Variants in PSMC3 observed in about 807,000 individuals in gnomAD.
The protein encoded by PSMC3 is 26S proteasome regulatory subunit 6A.
Under a neutral mutation model 52.0 loss-of-function variants are expected in PSMC3, and 11 were observed. The observed-to-expected ratio is 0.21, with a 90% CI of 0.13 to 0.35. PSMC3 has a LOEUF of 0.35. PSMC3 is among the 10% of genes least tolerant of loss of function. PSMC3 has a pLI of 1.00. For synonymous variants in PSMC3, 201 were observed against 218.8 expected (o/e 0.92, Z 0.72); for missense variants, 238 against 567.1 (o/e 0.42, Z 5.89).
At position 47,419,108 on chromosome 11, in the gene PSMC3, C is replaced by A; in HGVS notation, c.1209+8G>T. 6.2e-7 allele frequency: 1 copy of A among 1,614,146 alleles called. No homozygotes were observed. The highest frequency in any genetic ancestry group is 8.5e-7 in the Non-Finnish European group (1 of 1,180,004). On this transcript the variant is annotated splice_region_variant and intron_variant, in intron 11 of 11. Coordinates refer to ENST00000298852, the MANE Select transcript of PSMC3 (RefSeq NM_002804.5). ...AAAGCAACGCACCCACCCCAGCTGA[C>A]CACTCACCGCCTCCACACACACAGC...
In PSMC3 at chr11:47,424,358, G is replaced by A; in HGVS notation, c.453+71C>T. The A allele has an allele frequency of 1.3e-6, 2 of 1,576,374 alleles. No homozygotes were observed. Among genetic ancestry groups the A allele is most frequent in the Non-Finnish European group, 1.7e-6 (2 of 1,146,514 alleles). ...GTTCTGCCAAGATTCAGAGCCAACA[G>A]TGACCTGGGGCGGGTACAGGGGCTC... On this transcript the variant is annotated intron_variant, in intron 5 of 11. Transcript: ENST00000298852. This position sits in a 1 kb window ranked among gnomAD's most constrained non-coding sequence, Gnocchi z 4.8.
intron 10 of PSMC3, among the ~76,000 whole-genome samples, chr11:47,419,687 G>T (rs1473525042): frequency 6.6e-6 from 1 of 152,036 alleles, no homozygotes; most frequent in Non-Finnish European, 1.5e-5. Flanking sequence ...GTGAAACCTC[G>T]TCTCTACTAA....
At chr11:47,419,268 C>T in intron 10 of PSMC3, 71 bp from the exon 11 acceptor site, 1 of 1,517,838 alleles carries the variant, frequency 6.6e-7, no homozygotes, top group East Asian at 2.3e-5. Flanking sequence ...ATATCCTCCC[C>T]TGGCCCCGTC....
chr11:47,422,540 C>T lies in PSMC3; in HGVS notation c.884+34G>A. 6.2e-7 allele frequency: 1 copy of T among 1,611,264 alleles called. No homozygotes were observed. On this transcript the variant is annotated intron_variant, in intron 8 of 11. Coordinates refer to ENST00000298852, the MANE Select transcript of PSMC3 (RefSeq NM_002804.5). This position sits in a 1 kb window ranked among gnomAD's most constrained non-coding sequence, Gnocchi z 4.3. ...GTCAACCCGCTTCCCCTTACCGCCA[C>T]AGAGATCGCTAGGGACCCTTGGCCC...
chr11:47,424,653 G>A lies in PSMC3; in HGVS notation c.344C>T (p.Ser115Phe). Residue 115 changes from serine (S) to phenylalanine (F), a missense_variant, in exon 4 of 12, where the codon TCC (serine) becomes TTC (phenylalanine). By Grantham distance (155) the Ser-to-Phe change is radical. Transcript: ENST00000298852. The surrounding 1 kb of genome is among the most constrained non-coding windows in gnomAD (Gnocchi z 4.8). ...EEDGANIDLD[S>F]QRKGKCAVIK... ...CACAGCACACTTGCCCTTCCTCTGG[G>A]AGTCCAGGTCAATATTGGCACCATC... 1 of 1,614,024 alleles carries A rather than the reference G, an allele frequency of 6.2e-7. No homozygotes were observed. Among genetic ancestry groups the A allele is most frequent in the Non-Finnish European group, 8.5e-7 (1 of 1,179,956 alleles).
In PSMC3 at chr11:47,424,530, T is replaced by C. The variant is rs2096044213; in HGVS notation, c.391-39A>G. 1 of 1,610,566 alleles carries C rather than the reference T, an allele frequency of 6.2e-7. No individual in the cohort carries two copies. The highest frequency in any genetic ancestry group is 8.5e-7 in the Non-Finnish European group (1 of 1,176,884). On this transcript the variant is annotated intron_variant, in intron 4 of 11. Transcript: ENST00000298852. This position sits in a 1 kb window ranked among gnomAD's most constrained non-coding sequence, Gnocchi z 4.8. ...ACAGGGGCAGTCTCAGTTAGTGTCCTCAGGGAAGGCTCCCTAGTCCTGTCC... is the reference window on the plus strand; with the variant it reads ...ACAGGGGCAGTCTCAGTTAGTGTCCCCAGGGAAGGCTCCCTAGTCCTGTCC...
intron 1 of PSMC3, 54 bp downstream of exon 1, chr11:47,426,151 T>C (rs1291578985): frequency 5.3e-6 from 8 of 1,521,912 alleles, no homozygotes; most frequent in Non-Finnish European, 6.2e-6. Context: ...CTCTTGTCAA[T>C]GGCGTCTCCC....
intron 10 of PSMC3, among the ~76,000 whole-genome samples, chr11:47,419,784 A>G (rs7120413): frequency 0.26 from 39,886 of 151,634 alleles, 6,156 homozygotes; most frequent in Admixed American, 0.37. Flanking sequence ...GCGTGAACCC[A>G]GGAGGCGGAG....
chr11:47,419,719 C>G (rs7120501), intron 10 of PSMC3, among the ~76,000 whole-genome samples: 5 of 151,700 alleles, frequency 3.3e-5, no homozygotes, highest in African/African-American at 9.7e-5. Context: ...ATTAGCCGGG[C>G]GTGGTGGCGG....
chr11:47,420,835 G>A (rs2096039630), intron 8 of PSMC3, 108 bp from the exon 9 acceptor site: 3 of 999,968 alleles, frequency 3.0e-6, no homozygotes, highest in Admixed American at 2.5e-5. Context: ...CAGGGAAATG[G>A]CTCACTCAAC....
rs572205503 is a variant in PSMC3, at chr11:47,421,524, A to C, written c.885-797T>G. On this transcript the variant is annotated intron_variant, in intron 8 of 11. Coordinates refer to ENST00000298852, the MANE Select transcript of PSMC3 (RefSeq NM_002804.5). ...CCTGAAACGCAGGAAGCACCGTGGC[A>C]GGAGTCCAGAGCAGGGGAGGCTGGG... Among the ~76,000 whole-genome samples, 169 of 152,242 alleles carry C rather than the reference A, an allele frequency of 1.1e-3. 1 individual carries two copies. Among genetic ancestry groups the C allele is most frequent in the African/African-American group, 3.9e-3 (163 of 41,548 alleles).
Position 47,422,878 on chromosome 11 carries a change from T to G in PSMC3, c.687A>C (p.Pro229=). 6.2e-7 allele frequency: 1 copy of G among 1,613,698 alleles called. No individual in the cohort carries two copies. Among genetic ancestry groups the G allele is most frequent in the Non-Finnish European group, 8.5e-7 (1 of 1,179,766 alleles). The change falls in exon 7 of 12, where the codon CCA becomes CCC. Residue 229 remains proline, a synonymous_variant. Transcript: ENST00000298852. The surrounding 1 kb of genome is among the most constrained non-coding windows in gnomAD (Gnocchi z 4.3). ...GGGCCAGGAGGGTCTTCCCCGTCCC[T>G]GGGGGCCCATACATCAGCACCCCTT... ...PPKGVLMYGP[P]GTGKTLLARA...
chr11:47,421,417 T>A (rs1258455235), intron 8 of PSMC3, among the ~76,000 whole-genome samples: 1 of 151,864 alleles, frequency 6.6e-6, no homozygotes, highest in Non-Finnish European at 1.5e-5. Flanking sequence ...CCGGGAAGTA[T>A]CCCTGAGGCT....
At position 47,419,052 on chromosome 11, in the gene PSMC3, C is replaced by T; in HGVS notation, c.1209+64G>A. 5 of 1,610,124 alleles carry T rather than the reference C, an allele frequency of 3.1e-6. No homozygotes were observed. In the South Asian group the frequency reaches 5.5e-5, roughly 18 times the overall value. On this transcript the variant is annotated intron_variant, in intron 11 of 11. Coordinates refer to ENST00000298852, the MANE Select transcript of PSMC3 (RefSeq NM_002804.5). ...GCCGTCTCCACCAGCCAAATGCCCC[C>T]ATCCTGTCCAGGGAGGGGGCAAGAA...
Position 47,424,282 on chromosome 11 carries a change from G to T in PSMC3, c.454-99C>A. 1 of 1,574,910 alleles carries T rather than the reference G, an allele frequency of 6.3e-7. No individual in the cohort carries two copies. Among genetic ancestry groups the T allele is most frequent in the South Asian group, 1.1e-5 (1 of 90,140 alleles). ...TGCAGAGGGAAAGACACAGGACTGGGCAATACAAGAATCAAACAGCAAGTA... is the reference window on the plus strand; with the variant it reads ...TGCAGAGGGAAAGACACAGGACTGGTCAATACAAGAATCAAACAGCAAGTA... On this transcript the variant is annotated intron_variant, in intron 5 of 11. Coordinates refer to ENST00000298852, the MANE Select transcript of PSMC3 (RefSeq NM_002804.5). The surrounding 1 kb of genome is among the most constrained non-coding windows in gnomAD (Gnocchi z 4.8).
rs768111213 is a variant in PSMC3 at position 47,424,086 on chromosome 11, T to C, written c.551A>G (p.Gln184Arg). ...AMEVDERPTE[Q>R]YSDIGGLDKQ... ...GTCCAAACCCCCAATGTCACTGTAT[T>C]GCTCCGTGGGCCTCTCGTCTACCTC... Residue 184 changes from glutamine to arginine, a missense_variant, in exon 6 of 12, where the codon CAA becomes CGA. By Grantham distance (43) the Gln-to-Arg change is conservative. Transcript: ENST00000298852. The surrounding 1 kb of genome is among the most constrained non-coding windows in gnomAD (Gnocchi z 4.8). 1 of 1,614,190 alleles carries C rather than the reference T, an allele frequency of 6.2e-7. No individual in the cohort carries two copies. Among genetic ancestry groups the C allele is most frequent in the South Asian group, 1.1e-5 (1 of 91,088 alleles).
At chr11:47,423,472 G>A (rs1230326509) in intron 6 of PSMC3, among the ~76,000 whole-genome samples, 1 of 151,648 alleles carries the variant, frequency 6.6e-6, no homozygotes, top group Admixed American at 6.6e-5. Context: ...CTCCAGGAAC[G>A]GGAGTATATG....
intron 2 of PSMC3, 141 bp from the exon 3 acceptor site, chr11:47,425,387 C>G (rs2096045213): frequency 1.9e-6 from 2 of 1,030,660 alleles, no homozygotes; most frequent in Admixed American, 2.2e-5. Context: ...AAGGCAGAGT[C>G]TGACTGTGTC....
chr11:47,420,122 G>T (rs2096038637), intron 10 of PSMC3, 142 bp downstream of exon 10: 2 of 971,428 alleles, frequency 2.1e-6, no homozygotes, highest in Non-Finnish European at 3.1e-6. Context: ...ACGGAGGCTG[G>T]CGTGTGGAAC....
Sources: allele counts gnomAD v4.1 joint callset (sites outside exome capture counted in the v4.1 genomes callset), GRCh38; gene constraint gnomAD v4.1.1; non-coding constraint Gnocchi (gnomAD v3.1); transcripts MANE v1.5; gene names NCBI Gene and HGNC (gene_info 2026-07-23, HGNC 2026-07-21).